Variants in MACC1 observed in about 807,000 individuals in gnomAD.
The protein encoded by MACC1 is MET transcriptional regulator MACC1.
A neutral mutation model predicts 70.7 loss-of-function variants in MACC1; 79 were observed. The ratio of observed to expected loss-of-function variants is 1.12; its 90% CI spans 0.93 to 1.35. The LOEUF is 1.35. MACC1 is among the 40% of genes most tolerant of loss of function. The pLI is 0.00. For synonymous variants in MACC1, 361 were observed against 347.2 expected, an observed-to-expected ratio of 1.04 and a Z score of -0.44; for missense variants, 1,106 against 978.1, an observed-to-expected ratio of 1.13 and a Z score of -1.74.
At chr7:20,179,548 T>C (rs1033065404) in intron 1 of MACC1, among the ~76,000 whole-genome samples, 37 of 152,224 alleles carry the variant, frequency 2.4e-4, no homozygotes, top group African/African-American at 8.7e-4. Context: ...TTCGATATAT[T>C]GCAGATCCAT....
intron 1 of MACC1, among the ~76,000 whole-genome samples, chr7:20,175,233 G>A (rs1489577316): frequency 1.3e-5 from 2 of 151,944 alleles, no homozygotes; most frequent in Non-Finnish European, 2.9e-5. Context: ...TTTGGTATAT[G>A]ATGCAAAATT....
chr7:20,210,896 C>T (rs894081886), intron 1 of MACC1, among the ~76,000 whole-genome samples: 2 of 152,156 alleles, frequency 1.3e-5, no homozygotes, highest in Non-Finnish European at 2.9e-5. Context: ...TCATTAATTT[C>T]CTCTGTCAAG....
intron 1 of MACC1, among the ~76,000 whole-genome samples, chr7:20,203,518 C>A (rs761544899): frequency 6.6e-6 from 1 of 152,150 alleles, no homozygotes; most frequent in African/African-American, 2.4e-5. Context: ...TTTAAGTCAG[C>A]TAAAGCCTCC....
In MACC1 at chr7:20,160,000, C is replaced by G; in HGVS notation, c.361G>C (p.Asp121His). The change falls in exon 5 of 7, where the codon GAT (aspartate) becomes CAT (histidine). Residue 121 changes from aspartate (D) to histidine (H), a missense_variant. By Grantham distance (81) the Asp-to-His change is moderately conservative. Transcript: ENST00000400331. ...NSFDSSGDEL[D>H]VHQLLRQTSS... The stretch of plus-strand genomic sequence containing the variant: ...GTCTGCCTAAGTAACTGATGCACAT[C>G]AAGTTCATCACCGGAGGAATCAAAA... 6.2e-7 allele frequency: 1 copy of G among 1,613,820 alleles called. No individual in the cohort carries two copies. Among genetic ancestry groups the G allele is most frequent in the Non-Finnish European group, 8.5e-7 (1 of 1,179,890 alleles).
intron 1 of MACC1, among the ~76,000 whole-genome samples, chr7:20,196,166 T>C (rs1184258347): frequency 2.0e-5 from 3 of 152,004 alleles, no homozygotes; most frequent in Non-Finnish European, 2.9e-5. Context: ...TGGTAATAAT[T>C]TTCAGGTTTT....
chr7:20,188,900 A>C (rs1387978713), intron 1 of MACC1, among the ~76,000 whole-genome samples: 1 of 152,224 alleles, frequency 6.6e-6, no homozygotes, highest in African/African-American at 2.4e-5. Context: ...AATCAAGCAA[A>C]AGCTAAAGTT....
intron 6 of MACC1, chr7:20,150,524 T>C (rs892962924): frequency 6.6e-6 from 1 of 152,232 alleles, no homozygotes; most frequent in Non-Finnish European, 1.5e-5. Flanking sequence ...GTATTAGATC[T>C]GCATTGATTA....
At chr7:20,195,826 A>G (rs1782743604) in intron 1 of MACC1, among the ~76,000 whole-genome samples, 1 of 152,228 alleles carries the variant, frequency 6.6e-6, no homozygotes. Context: ...TGTTGCAGCT[A>G]GAACATAGTT....
At chr7:20,143,753 T>G (rs1781844573) in intron 6 of MACC1, among the ~76,000 whole-genome samples, 1 of 152,166 alleles carries the variant, frequency 6.6e-6, no homozygotes, top group Non-Finnish European at 1.5e-5. Flanking sequence ...CAGAGAAATT[T>G]GGGTACAATA....
intron 1 of MACC1, among the ~76,000 whole-genome samples, chr7:20,216,609 T>A (rs1429517527): frequency 6.6e-6 from 1 of 152,130 alleles, no homozygotes; most frequent in African/African-American, 2.4e-5. Context: ...GTATTTGTCT[T>A]TTTGTTTCTT....
At chr7:20,187,764 C>A (rs968399297) in intron 1 of MACC1, among the ~76,000 whole-genome samples, 1 of 152,136 alleles carries the variant, frequency 6.6e-6, no homozygotes, top group East Asian at 1.9e-4. Flanking sequence ...CTTTATGTTT[C>A]TGGTACATAC....
intron 6 of MACC1, among the ~76,000 whole-genome samples, chr7:20,143,449 T>C (rs2128100017): frequency 6.6e-6 from 1 of 152,260 alleles, no homozygotes; most frequent in East Asian, 1.9e-4. Context: ...AGTGCAGTGG[T>C]GTGATTTCAG....
At chr7:20,182,197 G>T (rs148635319) in intron 1 of MACC1, among the ~76,000 whole-genome samples, 1 of 131,502 alleles carries the variant, frequency 7.6e-6, no homozygotes, top group African/African-American at 2.8e-5. Context: ...GTTGTGGGGT[G>T]GGGGGAGGGT....
intron 1 of MACC1, among the ~76,000 whole-genome samples, chr7:20,206,643 G>T (rs1030870076): frequency 6.6e-6 from 1 of 152,212 alleles, no homozygotes; most frequent in Non-Finnish European, 1.5e-5. Flanking sequence ...CTGAAGGATT[G>T]CTGACTTGCA....
intron 6 of MACC1, among the ~76,000 whole-genome samples, chr7:20,141,545 TGGTGA>T (rs2128099668): frequency 1.0e-5 from 1 of 99,194 alleles, no homozygotes; most frequent in South Asian, 3.2e-4. Flanking sequence ...TACCTATCTG[TGGTGA>T]GTTTTATGAC....
Position 20,154,302 on chromosome 7 carries a change from A to G in MACC1, c.2237T>C (p.Leu746Pro), listed in dbSNP as rs761862880. 3 of 1,613,840 alleles carry G rather than the reference A, an allele frequency of 1.9e-6. No homozygotes were observed. Among genetic ancestry groups the G allele is most frequent in the East Asian group, 4.5e-5 (2 of 44,878 alleles). Reference protein sequence around the residue: ...EAAVLTSAVKLGKGWRELAEK... With the variant: ...EAAVLTSAVKPGKGWRELAEK... ...AGCTAGTTCCCTCCAGCCTTTTCCA[A>G]GCTTGACAGCTGAAGTCAGAACAGC... The change falls in exon 6 of 7, where the codon CTT (leucine) becomes CCT (proline). Residue 746 changes from leucine to proline, a missense_variant. By Grantham distance (98) the Leu-to-Pro change is moderately conservative. Coordinates refer to ENST00000400331, the MANE Select transcript of MACC1 (RefSeq NM_182762.4).
intron 6 of MACC1, among the ~76,000 whole-genome samples, chr7:20,148,108 T>G (rs1184415959): frequency 6.6e-6 from 1 of 152,172 alleles, no homozygotes; most frequent in Non-Finnish European, 1.5e-5. Context: ...GTTTAGTAGC[T>G]CCAGGATCTT....
At chr7:20,173,903 C>T (rs1782352566) in intron 1 of MACC1, among the ~76,000 whole-genome samples, 1 of 152,158 alleles carries the variant, frequency 6.6e-6, no homozygotes, top group Admixed American at 6.6e-5. Context: ...AGTTGCGTCA[C>T]ATGAGTATGT....
chr7:20,146,156 A>G (rs1254106675), intron 6 of MACC1, among the ~76,000 whole-genome samples: 2 of 151,924 alleles, frequency 1.3e-5, no homozygotes, highest in Non-Finnish European at 2.9e-5. Flanking sequence ...AAGAAAAAAA[A>G]AAAAAAAAAG....
Sources: gnomAD v4.1 joint callset for allele counts (sites outside exome capture counted in the v4.1 genomes callset) on GRCh38, gnomAD v4.1.1 for gene constraint, MANE v1.5 for transcripts, NCBI Gene and HGNC (gene_info 2026-07-23, HGNC 2026-07-21) for gene names.